Variants in ERBB4 observed in about 807,000 individuals in gnomAD.
ERBB4 encodes the protein receptor tyrosine-protein kinase erbB-4.
In ERBB4, 42 loss-of-function variants were observed where a neutral mutation model predicts 158.0. The observed-to-expected ratio is 0.27, with a 90% CI of 0.21 to 0.34. The LOEUF (loss-of-function observed/expected upper bound fraction) is 0.34, where lower values mean the gene tolerates loss of function less well. Among genes scored for constraint, ERBB4 ranks in the 10% least tolerant of loss-of-function variants. ERBB4 has a pLI of 1.00. For missense variants in ERBB4, 1,333 were observed against 1,624.1 expected (o/e 0.82, Z 3.08); for synonymous variants, 583 against 558.7 (o/e 1.04, Z -0.61).
intron 20 of ERBB4, among the ~76,000 whole-genome samples, chr2:211,443,828 T>G (rs1016968766): frequency 6.6e-6 from 1 of 152,116 alleles, no homozygotes; most frequent in Non-Finnish European, 1.5e-5. Flanking sequence ...GAGAATTAAG[T>G]GAATGACTGT....
chr2:212,129,577 A>G (rs1023133212), intron 1 of ERBB4, among the ~76,000 whole-genome samples: 1 of 151,922 alleles, frequency 6.6e-6, no homozygotes, highest in African/African-American at 2.4e-5. Flanking sequence ...CATTGCAATA[A>G]TTCATTTACT....
chr2:212,044,431 T>A (rs569888892), intron 2 of ERBB4, among the ~76,000 whole-genome samples: 7 of 152,264 alleles, frequency 4.6e-5, no homozygotes, highest in African/African-American at 1.7e-4. Flanking sequence ...ACTGAGTTTT[T>A]TTCTAGTCTA....
chr2:211,628,181 A>G lies in ERBB4; in HGVS notation c.2079+2281T>C, dbSNP rs867829264. ...GAGATATTCTTTTTTTTTTTTAATTATTATACTTTAAGTTTTAGGGCACAT... is the reference window on the plus strand; with the variant it reads ...GAGATATTCTTTTTTTTTTTTAATTGTTATACTTTAAGTTTTAGGGCACAT... On this transcript the variant is annotated intron_variant, in intron 17 of 27. Coordinates refer to ENST00000342788, the MANE Select transcript of ERBB4 (RefSeq NM_005235.3). 3.4e-5 allele frequency among the ~76,000 whole-genome samples: 5 copies of G among 147,668 alleles called. No individual in the cohort carries two copies. In the South Asian group the frequency reaches 8.6e-4, roughly 25 times the overall value.
At chr2:211,877,964 G>A (rs187333659) in intron 3 of ERBB4, among the ~76,000 whole-genome samples, 72 of 151,976 alleles carry the variant, frequency 4.7e-4, no homozygotes, top group Admixed American at 1.8e-3. Context: ...AAAAATTAGC[G>A]TGGCATGGTG....
intron 4 of ERBB4, 81 bp downstream of exon 4, chr2:211,787,944 T>C (rs2076203425): frequency 7.2e-7 from 1 of 1,384,338 alleles, no homozygotes; most frequent in Non-Finnish European, 1.0e-6. Flanking sequence ...AAAATATTAG[T>C]AATGACATAA....
At chr2:212,512,511 G>A (rs1484419706) in intron 1 of ERBB4, among the ~76,000 whole-genome samples, 1 of 152,072 alleles carries the variant, frequency 6.6e-6, no homozygotes. Flanking sequence ...TTGTTTGTTT[G>A]TTTGTTTCCA....
intron 3 of ERBB4, among the ~76,000 whole-genome samples, chr2:211,896,347 A>G (rs1186949867): frequency 6.6e-6 from 1 of 152,154 alleles, no homozygotes; most frequent in Non-Finnish European, 1.5e-5. Flanking sequence ...GGTGTAAGCA[A>G]AACAACTTGG....
intron 1 of ERBB4, among the ~76,000 whole-genome samples, chr2:212,227,144 C>T (rs2083498613): frequency 6.6e-6 from 1 of 151,526 alleles, no homozygotes; most frequent in South Asian, 2.1e-4. Context: ...TACTTGGTGG[C>T]TGAGGCAGGA....
At chr2:212,306,056 C>T (rs765473069) in intron 1 of ERBB4, among the ~76,000 whole-genome samples, 15 of 151,282 alleles carry the variant, frequency 9.9e-5, no homozygotes, top group Non-Finnish European at 2.1e-4. Context: ...ATATTATATT[C>T]GAACATGCAC....
chr2:211,959,557 G>A (rs1256370132), intron 2 of ERBB4, among the ~76,000 whole-genome samples: 3 of 152,008 alleles, frequency 2.0e-5, no homozygotes, highest in Non-Finnish European at 2.9e-5. Flanking sequence ...ATGTTTGTGT[G>A]TTTGTCTTCA....
chr2:211,926,443 T>G (rs951933335), intron 3 of ERBB4, among the ~76,000 whole-genome samples: 8 of 152,192 alleles, frequency 5.3e-5, no homozygotes, highest in African/African-American at 1.9e-4. Context: ...TTGAAAGGAG[T>G]GGTAGGTTGA....
intron 3 of ERBB4, among the ~76,000 whole-genome samples, chr2:211,810,206 C>T (rs1181693294): frequency 6.6e-6 from 1 of 152,192 alleles, no homozygotes; most frequent in African/African-American, 2.4e-5. Context: ...TCTATTAGAT[C>T]TGCTCAGTGC....
chr2:211,702,586 A>C (rs989542788), intron 11 of ERBB4, among the ~76,000 whole-genome samples: 1 of 152,186 alleles, frequency 6.6e-6, no homozygotes, highest in African/African-American at 2.4e-5. Context: ...ATACTTTCAG[A>C]GTATGTCTAA....
intron 1 of ERBB4, among the ~76,000 whole-genome samples, chr2:212,296,087 A>T (rs991244417): frequency 6.6e-6 from 1 of 152,008 alleles, no homozygotes; most frequent in African/African-American, 2.4e-5. Flanking sequence ...TGACAACTCA[A>T]TCAATATGTA....
rs113991569 is a variant in ERBB4 at position 211,774,073 on chromosome 2, A to ATTT, written c.556+13949_556+13951dup. Among the ~76,000 whole-genome samples, 617 of 142,140 alleles carry ATTT rather than the reference A, an allele frequency of 4.3e-3. 4 individuals carry two copies. The highest frequency in any genetic ancestry group is 0.013 in the African/African-American group (494 of 38,564). The allele number at this position is 142,140 out of a possible 152,430, so 93.2% of individuals were successfully genotyped here. The stretch of plus-strand genomic sequence containing the variant: ...AGATGCTCTGTGGTCACCCCAACCA[A>ATTT]TTTTTTTTTTTTTTCTTGAGATGGA... On this transcript the variant is annotated intron_variant, in intron 4 of 27. Transcript: ENST00000342788.
At chr2:211,988,258 A>G (rs1361018573) in intron 2 of ERBB4, among the ~76,000 whole-genome samples, 1 of 152,138 alleles carries the variant, frequency 6.6e-6, no homozygotes, top group Non-Finnish European at 1.5e-5. Context: ...GTTCCAAATA[A>G]CAAAGAGTAC....
chr2:212,286,594 C>CTTTTTTTTTTTTTTTTTTTTTTTTTTTT (rs71054190), intron 1 of ERBB4, among the ~76,000 whole-genome samples: 1 of 55,540 alleles, frequency 1.8e-5, no homozygotes, highest in African/African-American at 5.8e-5. Context: ...TAAGTGCTGA[C>CTTTTTTTTTTTTTTTTTTTTTTTTTTTT]TTTTTTTTTT....
intron 1 of ERBB4, among the ~76,000 whole-genome samples, chr2:212,186,164 T>C (rs2082011852): frequency 1.3e-5 from 2 of 152,142 alleles, no homozygotes; most frequent in South Asian, 4.1e-4. Flanking sequence ...AAAGACAGGA[T>C]TGGAAAGTGC....
chr2:211,484,787 T>C (rs2065165193), intron 20 of ERBB4, among the ~76,000 whole-genome samples: 1 of 152,156 alleles, frequency 6.6e-6, no homozygotes, highest in Non-Finnish European at 1.5e-5. Flanking sequence ...CTGTCAATAG[T>C]TCACAGAACA....
Sources: allele counts gnomAD v4.1 joint callset (sites outside exome capture counted in the v4.1 genomes callset), GRCh38; gene constraint gnomAD v4.1.1; transcripts MANE v1.5; gene names NCBI Gene and HGNC (gene_info 2026-07-23, HGNC 2026-07-21).